SYT16: variants seen among roughly 807,000 people sequenced by gnomAD.
SYT16 encodes synaptotagmin 16, also known as synaptotagmin-16.
SYT16 carries 42 observed loss-of-function variants against 61.4 expected under a neutral mutation model. The observed-to-expected ratio is 0.68, with a 90% CI of 0.53 to 0.89. The LOEUF is 0.89. SYT16 is among the 40% of genes least tolerant of loss of function. SYT16 has a pLI of 0.00. For missense variants in SYT16, 804 were observed against 807.3 expected (o/e 1.00, Z 0.05); for synonymous variants, 314 against 302.3 (o/e 1.04, Z -0.40).
At chr14:61,880,801 T>C (rs980688377) in intron 1 of SYT16, among the ~76,000 whole-genome samples, 9 of 152,182 alleles carry the variant, frequency 5.9e-5, no homozygotes, top group Non-Finnish European at 1.3e-4. Context: ...GGCAGCCAGT[T>C]TGTGAAATTT....
intron 3 of SYT16, among the ~76,000 whole-genome samples, chr14:62,014,665 C>A (rs2053594291): frequency 6.6e-6 from 1 of 152,012 alleles, no homozygotes; most frequent in African/African-American, 2.4e-5. Context: ...AACTCCTGAC[C>A]TCAGGTGATC....
rs573854252 is a variant in SYT16 at position 61,905,689 on chromosome 14, A to G, written c.-324-64443A>G. Among the ~76,000 whole-genome samples, 4 of 151,950 alleles carry G rather than the reference A, an allele frequency of 2.6e-5. No homozygotes were observed. In the South Asian group the frequency reaches 8.3e-4, roughly 32 times the overall value. Reference sequence around the variant, plus strand: ...AAGACAGCAGGGTCTCTATCAGTCTAGCCCTTAAAAAATTATGTGACACAG... The same window carrying G: ...AAGACAGCAGGGTCTCTATCAGTCTGGCCCTTAAAAAATTATGTGACACAG... On this transcript the variant is annotated intron_variant, in intron 1 of 7. Coordinates refer to ENST00000683842, the MANE Select transcript of SYT16 (RefSeq NM_001367656.1).
At chr14:61,994,851 A>AT (rs959497962) in intron 2 of SYT16, among the ~76,000 whole-genome samples, 2 of 152,192 alleles carry the variant, frequency 1.3e-5, no homozygotes, top group Non-Finnish European at 1.5e-5. Context: ...CTAATAAAAA[A>AT]TTTTTAGAAT....
chr14:62,095,798 T>C (rs1306113581), intron 7 of SYT16, among the ~76,000 whole-genome samples: 1 of 152,030 alleles, frequency 6.6e-6, no homozygotes, highest in Non-Finnish European at 1.5e-5. Flanking sequence ...AAACTCATTC[T>C]AAAATTCATA....
intron 1 of SYT16, among the ~76,000 whole-genome samples, chr14:61,958,907 T>C (rs981476195): frequency 3.3e-5 from 5 of 152,090 alleles, no homozygotes; most frequent in Admixed American, 3.3e-4. Context: ...TTGTCAATGT[T>C]TGTTTTATAT....
chr14:62,039,376 G>T (rs973546945), intron 3 of SYT16, among the ~76,000 whole-genome samples: 2 of 152,174 alleles, frequency 1.3e-5, no homozygotes, highest in African/African-American at 2.4e-5. Flanking sequence ...TATTCTTATA[G>T]ATTCATAAAG....
chr14:62,017,016 T>C (rs1196549274), intron 3 of SYT16, among the ~76,000 whole-genome samples: 4 of 152,208 alleles, frequency 2.6e-5, no homozygotes, highest in Non-Finnish European at 4.4e-5. Flanking sequence ...TTTGCTGAAA[T>C]TCTGCCATAA....
chr14:61,916,825 A>G, intron 1 of SYT16, among the ~76,000 whole-genome samples: 1 of 152,078 alleles, frequency 6.6e-6, no homozygotes, highest in East Asian at 1.9e-4. Context: ...TCCCACATAT[A>G]AGTAAGAACA....
At chr14:61,955,665 C>T (rs972253900) in intron 1 of SYT16, among the ~76,000 whole-genome samples, 2 of 151,794 alleles carry the variant, frequency 1.3e-5, no homozygotes, top group South Asian at 2.1e-4. Flanking sequence ...ATGTATATAC[C>T]ACATTTTCTT....
intron 3 of SYT16, among the ~76,000 whole-genome samples, chr14:62,018,725 G>T (rs947631034): frequency 3.3e-5 from 5 of 152,106 alleles, no homozygotes; most frequent in Admixed American, 2.6e-4. Context: ...TTGGGTCTTT[G>T]CTCCAATGTG....
intron 1 of SYT16, among the ~76,000 whole-genome samples, chr14:61,894,464 C>T (rs1401812111): frequency 6.6e-6 from 1 of 151,956 alleles, no homozygotes; most frequent in Non-Finnish European, 1.5e-5. Flanking sequence ...TGCTGCAGCT[C>T]AATGAGAGGT....
At chr14:62,096,625 A>T (rs1237667830) in intron 7 of SYT16, among the ~76,000 whole-genome samples, 1 of 152,132 alleles carries the variant, frequency 6.6e-6, no homozygotes, top group East Asian at 1.9e-4. Flanking sequence ...TCTAATGTGC[A>T]AAATTCTATT....
At chr14:62,080,629 C>T (rs948640393) in intron 5 of SYT16, among the ~76,000 whole-genome samples, 4 of 152,132 alleles carry the variant, frequency 2.6e-5, no homozygotes, top group African/African-American at 4.8e-5. Context: ...TTCACGAAGG[C>T]GCACCATATG....
At chr14:62,043,110 T>C (rs1472645498) in intron 3 of SYT16, among the ~76,000 whole-genome samples, 1 of 151,802 alleles carries the variant, frequency 6.6e-6, no homozygotes, top group African/African-American at 2.4e-5. Context: ...TTTTTTTTTT[T>C]TTTTTACATA....
At chr14:61,864,941 C>T in intron 1 of SYT16, 1 of 1,299,460 alleles carries the variant, frequency 7.7e-7, no homozygotes, top group Non-Finnish European at 1.1e-6. Context: ...GGGCTGCCTG[C>T]AGGCCTTGAA....
intron 3 of SYT16, among the ~76,000 whole-genome samples, chr14:62,022,152 C>A (rs1181033108): frequency 6.6e-6 from 1 of 151,834 alleles, no homozygotes; most frequent in African/African-American, 2.4e-5. Context: ...ATCTTCCCTT[C>A]TACATTTCCA....
chr14:61,999,982 G>C (rs1011449735), intron 3 of SYT16, among the ~76,000 whole-genome samples: 1 of 151,126 alleles, frequency 6.6e-6, no homozygotes, highest in African/African-American at 2.4e-5. Context: ...TGAATTGTTG[G>C]ATATTTCATG....
intron 1 of SYT16, among the ~76,000 whole-genome samples, chr14:61,940,001 T>G (rs951616170): frequency 1.3e-5 from 2 of 152,162 alleles, no homozygotes; most frequent in African/African-American, 4.8e-5. Flanking sequence ...TTTCTCCTTT[T>G]TTTTCAAAAA....
At chr14:61,998,970 G>C (rs1033210899) in intron 3 of SYT16, among the ~76,000 whole-genome samples, 2 of 151,840 alleles carry the variant, frequency 1.3e-5, no homozygotes, top group Non-Finnish European at 2.9e-5. Context: ...TGAAAGTTGA[G>C]CCAATTTTGC....
Sources: gnomAD v4.1 joint callset for allele counts (sites outside exome capture counted in the v4.1 genomes callset) on GRCh38, gnomAD v4.1.1 for gene constraint, MANE v1.5 for transcripts, NCBI Gene and HGNC (gene_info 2026-07-23, HGNC 2026-07-21) for gene names.